NTM: variants seen among roughly 807,000 people sequenced by gnomAD.
NTM encodes the protein IgLON family member 2.
In NTM, 13 loss-of-function variants were observed where a neutral mutation model predicts 42.1. The ratio of observed to expected loss-of-function variants is 0.31; its 90% CI spans 0.20 to 0.49. The LOEUF (loss-of-function observed/expected upper bound fraction) is 0.49, where lower values mean the gene tolerates loss of function less well. Among genes scored for constraint, NTM ranks in the 20% least tolerant of loss-of-function variants. The pLI is 0.99. For missense variants in NTM, 373 were observed against 452.8 expected, an observed-to-expected ratio of 0.82 and a Z score of 1.60; for synonymous variants, 187 against 179.2, an observed-to-expected ratio of 1.04 and a Z score of -0.35.
At chr11:132,098,457 G>A (rs1033507900) in intron 2 of NTM, among the ~76,000 whole-genome samples, 4 of 152,120 alleles carry the variant, frequency 2.6e-5, no homozygotes, top group Non-Finnish European at 4.4e-5. Flanking sequence ...TATAAAGAAG[G>A]CCACCTCTGT....
At position 132,118,177 on chromosome 11, in the gene NTM, C is replaced by T. The variant is rs113066920; in HGVS notation, c.168-28105C>T. Reference sequence around the variant, plus strand: ...ATGAATTTCTTTAGTATTTTAAAAGCGTAAGTTGAGCAGATAAGCTTTTTT... The same window carrying T: ...ATGAATTTCTTTAGTATTTTAAAAGTGTAAGTTGAGCAGATAAGCTTTTTT... On this transcript the variant is annotated intron_variant, in intron 2 of 8. Coordinates refer to ENST00000683400, the MANE Select transcript of NTM (RefSeq NM_001352005.2). 8.1e-3 allele frequency among the ~76,000 whole-genome samples: 1,237 copies of T among 152,148 alleles called. 8 individuals are homozygous for T. The highest frequency in any genetic ancestry group is 0.038 in the Middle Eastern group (11 of 292).
At chr11:132,331,063 C>T (rs147059258) in intron 8 of NTM, among the ~76,000 whole-genome samples, 5 of 152,222 alleles carry the variant, frequency 3.3e-5, no homozygotes, top group Non-Finnish European at 5.9e-5. Context: ...GGCACGCCTG[C>T]GGTTCTCACC....
intron 2 of NTM, among the ~76,000 whole-genome samples, chr11:131,975,039 T>C (rs2064106241): frequency 6.6e-6 from 1 of 152,222 alleles, no homozygotes; most frequent in African/African-American, 2.4e-5. Context: ...CTTTTCTTAG[T>C]GGAGTTCTTC....
chr11:131,537,762 C>G (rs1215253211), intron 1 of NTM: 1 of 152,434 alleles, frequency 6.6e-6, no homozygotes, highest in East Asian at 1.9e-4. Flanking sequence ...GCACTGCCCT[C>G]CCAATTCACC....
Position 131,401,808 on chromosome 11 carries a change from A to ATATATATATATATATATATGTG in NTM, c.82+30939_82+30940insGTGTATATATATATATATATAT, listed in dbSNP as rs1565465165. Among the ~76,000 whole-genome samples, 34 of 9,594 alleles carry ATATATATATATATATATATGTG rather than the reference A, an allele frequency of 3.5e-3. 1 individual carries two copies. Among genetic ancestry groups the ATATATATATATATATATATGTG allele is most frequent in the African/African-American group, 5.8e-3 (11 of 1,900 alleles). The allele number at this position is 9,594 out of a possible 152,430, so 6.3% of individuals were successfully genotyped here. Reference sequence around the variant, plus strand: ...GAGTCAGGCCACTGGAAATATATATATATATATATATATATATATATATAT... The same window carrying ATATATATATATATATATATGTG: ...GAGTCAGGCCACTGGAAATATATATATATATATATATATATATATGTGTATATATATATATATATATATATAT... On this transcript the variant is annotated intron_variant, in intron 1 of 8. Coordinates refer to ENST00000683400, the MANE Select transcript of NTM (RefSeq NM_001352005.2).
At chr11:131,687,242 G>A (rs1245032142) in intron 1 of NTM, among the ~76,000 whole-genome samples, 1 of 152,234 alleles carries the variant, frequency 6.6e-6, no homozygotes, top group Admixed American at 6.5e-5. Flanking sequence ...TGACAACACC[G>A]TCACGCGTGG....
chr11:131,820,833 C>G (rs757902216), intron 1 of NTM, among the ~76,000 whole-genome samples: 1 of 152,134 alleles, frequency 6.6e-6, no homozygotes, highest in Non-Finnish European at 1.5e-5. Context: ...ACTTAGCAAT[C>G]CATTTGTCGG....
chr11:132,143,896 A>G (rs1201541815), intron 2 of NTM, among the ~76,000 whole-genome samples: 3 of 152,088 alleles, frequency 2.0e-5, no homozygotes, highest in African/African-American at 4.8e-5. Flanking sequence ...AGAGAGGTGC[A>G]CCCTCTATCG....
chr11:131,695,700 G>A (rs1181236982), intron 1 of NTM, among the ~76,000 whole-genome samples: 3 of 152,264 alleles, frequency 2.0e-5, no homozygotes, highest in East Asian at 3.9e-4. Flanking sequence ...ATGGAGCAGC[G>A]GGTCGGATGG....
chr11:131,401,844 A>ATATATG lies in NTM; in HGVS notation c.82+30961_82+30962insGTATAT, dbSNP rs1565465655. Among the ~76,000 whole-genome samples the ATATATG allele has an allele frequency of 2.2e-4, 22 of 101,082 alleles. 1 individual carries two copies. The highest frequency in any genetic ancestry group is 8.2e-4 in the African/African-American group (21 of 25,576). The allele number at this position is 101,082 out of a possible 152,430, so 66.3% of individuals were successfully genotyped here. On this transcript the variant is annotated intron_variant, in intron 1 of 8. Coordinates refer to ENST00000683400, the MANE Select transcript of NTM (RefSeq NM_001352005.2). ...TATATATATATATATATATATATATATATATATATATATATATTTTAATTT... is the reference window on the plus strand; with the variant it reads ...TATATATATATATATATATATATATATATATGTATATATATATATATATTTTAATTT...
intron 2 of NTM, among the ~76,000 whole-genome samples, chr11:132,098,816 A>G (rs564917512): frequency 2.0e-5 from 3 of 152,350 alleles, no homozygotes; most frequent in Non-Finnish European, 2.9e-5. Context: ...TCAGCCTCAC[A>G]TGCTTCCTTG....
intron 1 of NTM, among the ~76,000 whole-genome samples, chr11:131,687,645 G>T (rs2074073911): frequency 6.6e-6 from 1 of 152,236 alleles, no homozygotes; most frequent in African/African-American, 2.4e-5. Flanking sequence ...TCGGGTGGGA[G>T]TGGGGGATGC....
chr11:131,585,357 G>A (rs1347512918), intron 1 of NTM, among the ~76,000 whole-genome samples: 1 of 152,200 alleles, frequency 6.6e-6, no homozygotes, highest in African/African-American at 2.4e-5. Flanking sequence ...GCTGGCGGCT[G>A]ATTGCGATTG....
At chr11:131,399,735 A>G (rs557160351) in intron 1 of NTM, among the ~76,000 whole-genome samples, 1 of 152,194 alleles carries the variant, frequency 6.6e-6, no homozygotes, top group Non-Finnish European at 1.5e-5. Context: ...CCCATTTGGA[A>G]ACCAGTTATG....
chr11:131,525,673 G>C (rs944182479), intron 1 of NTM, among the ~76,000 whole-genome samples: 3 of 152,182 alleles, frequency 2.0e-5, no homozygotes, highest in Non-Finnish European at 4.4e-5. Flanking sequence ...TGATTATTCA[G>C]CATCACTGGG....
intron 4 of NTM, among the ~76,000 whole-genome samples, chr11:132,236,882 C>T (rs942799249): frequency 2.0e-5 from 3 of 152,212 alleles, no homozygotes; most frequent in Admixed American, 6.5e-5. Flanking sequence ...TACCGAAGGC[C>T]ACACAGCTTC....
chr11:132,187,566 C>T (rs1482902668), intron 3 of NTM, among the ~76,000 whole-genome samples: 3 of 152,130 alleles, frequency 2.0e-5, no homozygotes, highest in East Asian at 3.9e-4. Flanking sequence ...CAAATTTGCC[C>T]TGGGTAATGA....
chr11:131,887,886 T>A (rs190177965), intron 1 of NTM, among the ~76,000 whole-genome samples: 11 of 152,290 alleles, frequency 7.2e-5, no homozygotes, highest in African/African-American at 1.2e-4. Context: ...ATTATTGTCA[T>A]CTTCAGTTTA....
chr11:131,845,349 T>C (rs561422695), intron 1 of NTM, among the ~76,000 whole-genome samples: 105 of 152,228 alleles, frequency 6.9e-4, no homozygotes, highest in African/African-American at 2.4e-3. Flanking sequence ...GTTTGTATTC[T>C]GGAATGGGGT....
Sources: gnomAD v4.1 joint callset for allele counts (sites outside exome capture counted in the v4.1 genomes callset) on GRCh38, gnomAD v4.1.1 for gene constraint, MANE v1.5 for transcripts, NCBI Gene and HGNC (gene_info 2026-07-23, HGNC 2026-07-21) for gene names.